The following KAZN variants were observed in gnomAD, a reference collection of about 807,000 sequenced individuals.
The protein encoded by KAZN is kazrin.
A neutral mutation model predicts 87.4 loss-of-function variants in KAZN; 40 were observed. That is an observed-to-expected ratio of 0.46 (90% CI 0.36 to 0.60). The LOEUF is 0.60. Among genes scored for constraint, KAZN ranks in the 20% least tolerant of loss-of-function variants. The pLI is 0.00. For missense variants in KAZN, 898 were observed against 1,073.9 expected, an observed-to-expected ratio of 0.84 and a Z score of 2.29; for synonymous variants, 466 against 458.3, an observed-to-expected ratio of 1.02 and a Z score of -0.22.
chr1:14,491,606 T>C (rs1416278076), intron 2 of KAZN, among the ~76,000 whole-genome samples: 1 of 152,224 alleles, frequency 6.6e-6, no homozygotes, highest in Non-Finnish European at 1.5e-5. Context: ...TTGCTGGTTT[T>C]AGCTCGATAT....
intron 1 of KAZN, among the ~76,000 whole-genome samples, chr1:14,884,260 C>T (rs543952049): frequency 3.8e-4 from 58 of 152,092 alleles, no homozygotes; most frequent in Non-Finnish European, 6.5e-4. Flanking sequence ...GGTGTGGTGG[C>T]GGGCACCTGT....
At chr1:14,281,091 C>G (rs1051143401) in intron 2 of KAZN, among the ~76,000 whole-genome samples, 1 of 152,130 alleles carries the variant, frequency 6.6e-6, no homozygotes, top group African/African-American at 2.4e-5. Context: ...TGGATATTTC[C>G]GAAAGGATTT....
At chr1:14,049,129 G>A (rs1485231871) in intron 1 of KAZN, among the ~76,000 whole-genome samples, 1 of 152,122 alleles carries the variant, frequency 6.6e-6, no homozygotes, top group African/African-American at 2.4e-5. Flanking sequence ...GGAATACTAT[G>A]CAGCCATAAA....
At chr1:14,626,332 T>C (rs1268034517) in intron 1 of KAZN, among the ~76,000 whole-genome samples, 1 of 152,254 alleles carries the variant, frequency 6.6e-6, no homozygotes, top group Non-Finnish European at 1.5e-5. Context: ...CATTAGCTGG[T>C]AAAGCTAGTC....
At chr1:14,165,832 T>C (rs1169366184) in intron 1 of KAZN, among the ~76,000 whole-genome samples, 1 of 152,182 alleles carries the variant, frequency 6.6e-6, no homozygotes, top group Non-Finnish European at 1.5e-5. Context: ...AGATTCTGCA[T>C]GTAGATCAGG....
At position 14,123,669 on chromosome 1, in the gene KAZN, A is replaced by C. The variant is rs536019598; in HGVS notation, c.92-56766A>C. Among the ~76,000 whole-genome samples, 14 of 152,350 alleles carry C rather than the reference A, an allele frequency of 9.2e-5. No homozygotes were observed. In the East Asian group the frequency reaches 2.7e-3, roughly 29 times the overall value. On this transcript the variant is annotated intron_variant, in intron 1 of 16. Coordinates refer to the KAZN transcript ENST00000636203. ...TGCCTGGATGGCCGCAATCACCTGC[A>C]AATGGGACTGCAGCCTCCCTTCAAG... is the stretch of plus-strand genomic sequence containing the variant.
intron 1 of KAZN, among the ~76,000 whole-genome samples, chr1:14,104,324 T>G (rs1644324227): frequency 6.6e-6 from 1 of 152,204 alleles, no homozygotes; most frequent in South Asian, 2.1e-4. Context: ...ATGCAAGCAG[T>G]GCAAATAGCT....
intron 1 of KAZN, among the ~76,000 whole-genome samples, chr1:14,005,279 C>T (rs77981425): frequency 0.019 from 2,827 of 152,080 alleles, 42 homozygotes; most frequent in South Asian, 0.036. Context: ...AGCTGATGGC[C>T]GCAGAGAAAT....
chr1:14,611,030 A>C (rs935225868), intron 1 of KAZN, among the ~76,000 whole-genome samples: 3 of 152,188 alleles, frequency 2.0e-5, no homozygotes, highest in African/African-American at 7.2e-5. Flanking sequence ...CAGATCCTGG[A>C]CTCAGGTGAA....
At chr1:14,049,304 C>T (rs1182351059) in intron 1 of KAZN, among the ~76,000 whole-genome samples, 5 of 144,924 alleles carry the variant, frequency 3.5e-5, no homozygotes, top group South Asian at 2.3e-4. Context: ...CATCACACAC[C>T]GGGGCCTGTT....
At chr1:14,901,889 G>T (rs1655968888) in intron 1 of KAZN, among the ~76,000 whole-genome samples, 1 of 152,160 alleles carries the variant, frequency 6.6e-6, no homozygotes, top group Non-Finnish European at 1.5e-5. Flanking sequence ...AAATATACAT[G>T]AAATACAACG....
At chr1:14,229,397 G>A (rs1342457458) in intron 2 of KAZN, among the ~76,000 whole-genome samples, 1 of 152,120 alleles carries the variant, frequency 6.6e-6, no homozygotes, top group Non-Finnish European at 1.5e-5. Context: ...TGTTATTGAG[G>A]TGTTATTCTC....
Position 15,029,286 on chromosome 1 carries a change from A to G in KAZN, c.419-5463A>G, listed in dbSNP as rs377367749. ...GTCAGCCTCCCACAAGGCAGGAACC[A>G]CGTCTGGCTCACTCCTGTCCTCACA... On this transcript the variant is annotated intron_variant, in intron 2 of 14. Transcript: ENST00000376030. Among the ~76,000 whole-genome samples the G allele has an allele frequency of 6.6e-5, 10 of 152,332 alleles. No homozygotes were observed. In the East Asian group the frequency reaches 1.7e-3, roughly 26 times the overall value.
Position 14,783,381 on chromosome 1 carries a change from G to T in KAZN, c.227-177303G>T, listed in dbSNP as rs117346576. 1.2e-4 allele frequency among the ~76,000 whole-genome samples: 18 copies of T among 152,222 alleles called. No individual in the cohort carries two copies. The East Asian group carries it at 3.3e-3, about 28-fold the overall frequency. ...CTGCAAGAGGAAGAGCCCACATGCA[G>T]AGAACTGATAAAAACCAACTGTCCT... On this transcript the variant is annotated intron_variant, in intron 1 of 14. Coordinates refer to ENST00000376030, the MANE Select transcript of KAZN (RefSeq NM_201628.3).
chr1:14,254,075 T>C (rs536156270), intron 2 of KAZN, among the ~76,000 whole-genome samples: 2 of 152,244 alleles, frequency 1.3e-5, no homozygotes, highest in East Asian at 3.9e-4. Flanking sequence ...CATAAAAATC[T>C]GTTCTATCTG....
intron 1 of KAZN, among the ~76,000 whole-genome samples, chr1:13,986,669 A>C (rs2101096341): frequency 6.6e-6 from 1 of 152,338 alleles, no homozygotes; most frequent in Middle Eastern, 3.4e-3. Context: ...TAAAAGGAAA[A>C]GGAATGTATT....
intron 8 of KAZN, among the ~76,000 whole-genome samples, chr1:15,092,584 A>G (rs1284383710): frequency 6.6e-6 from 1 of 151,640 alleles, no homozygotes; most frequent in Non-Finnish European, 1.5e-5. Context: ...AGATCCTCCT[A>G]CCTCAGCCTC....
chr1:14,598,711 C>G lies in KAZN; in HGVS notation c.-287C>G. 1 of 1,317,226 alleles carries G rather than the reference C, an allele frequency of 7.6e-7. No individual in the cohort carries two copies. The highest frequency in any genetic ancestry group is 9.6e-7 in the Non-Finnish European group (1 of 1,041,706). The allele number at this position is 1,317,226 out of a possible 1,614,324, so 81.6% of individuals were successfully genotyped here. Reference sequence around the variant, plus strand: ...TTCTTGGAGCAGCTCTCGGCGCCCGCCCGCCGGGGTCTCGGCGATCGCTGC... The same window carrying G: ...TTCTTGGAGCAGCTCTCGGCGCCCGGCCGCCGGGGTCTCGGCGATCGCTGC... On this transcript the variant is annotated 5_prime_UTR_variant, in exon 1 of 15. Coordinates refer to ENST00000376030, the MANE Select transcript of KAZN (RefSeq NM_201628.3). This position sits in a 1 kb window ranked among gnomAD's most constrained non-coding sequence, Gnocchi z 4.2.
At chr1:14,988,583 G>A (rs1373517646) in intron 2 of KAZN, among the ~76,000 whole-genome samples, 1 of 152,226 alleles carries the variant, frequency 6.6e-6, no homozygotes, top group Non-Finnish European at 1.5e-5. Flanking sequence ...TAACCCCGGG[G>A]TACATCCAAT....
Sources: allele counts gnomAD v4.1 joint callset (sites outside exome capture counted in the v4.1 genomes callset), GRCh38; gene constraint gnomAD v4.1.1; non-coding constraint Gnocchi (gnomAD v3.1); transcripts MANE v1.5; gene names NCBI Gene and HGNC (gene_info 2026-07-23, HGNC 2026-07-21).